Variants in CDC40 observed in about 807,000 individuals in gnomAD.
The protein encoded by CDC40 is cell division cycle 40.
CDC40 carries 27 observed loss-of-function variants against 80.6 expected under a neutral mutation model. The ratio of observed to expected loss-of-function variants is 0.33; its 90% confidence interval spans 0.25 to 0.46. The LOEUF is 0.46. CDC40 is among the 20% of genes least tolerant of loss of function. The pLI is 1.00. For synonymous variants in CDC40, 221 were observed against 232.6 expected (o/e 0.95, Z 0.45); for missense variants, 486 against 694.1 (o/e 0.70, Z 3.37).
intron 12 of CDC40, among the ~76,000 whole-genome samples, chr6:110,224,753 C>T (rs905448106): frequency 7.2e-5 from 11 of 152,164 alleles, no homozygotes; most frequent in African/African-American, 1.2e-4. Flanking sequence ...TGAAGTCCAC[C>T]GGGTAGTTCA....
chr6:110,221,205 G>A (rs1036746300), intron 12 of CDC40, among the ~76,000 whole-genome samples: 4 of 152,200 alleles, frequency 2.6e-5, no homozygotes, highest in African/African-American at 9.6e-5. Context: ...TTTACAGTCA[G>A]TTATGAAGCA....
chr6:110,186,542 G>A (rs775051158), intron 1 of CDC40, among the ~76,000 whole-genome samples: 10 of 152,108 alleles, frequency 6.6e-5, no homozygotes, highest in Non-Finnish European at 1.0e-4. Context: ...TGTATTTCTC[G>A]AAGGATATTT....
chr6:110,184,288 A>T (rs1219199549), intron 1 of CDC40, among the ~76,000 whole-genome samples: 1 of 152,176 alleles, frequency 6.6e-6, no homozygotes, highest in East Asian at 1.9e-4. Context: ...AGTTCTGCTA[A>T]TACCCAGTTG....
chr6:110,193,589 T>C (rs1290410587), intron 2 of CDC40, among the ~76,000 whole-genome samples: 2 of 152,080 alleles, frequency 1.3e-5, no homozygotes, highest in Non-Finnish European at 2.9e-5. Context: ...GTATTTTTAG[T>C]AGAGACGGGG....
At chr6:110,199,457 G>A (rs1777461662) in intron 2 of CDC40, among the ~76,000 whole-genome samples, 1 of 152,016 alleles carries the variant, frequency 6.6e-6, no homozygotes, top group Admixed American at 6.6e-5. Context: ...AGCCGGGTGT[G>A]GTGGTGGGCA....
intron 10 of CDC40, among the ~76,000 whole-genome samples, 165 bp downstream of exon 10, chr6:110,217,968 C>T (rs1221725314): frequency 2.6e-5 from 4 of 152,226 alleles, no homozygotes; most frequent in Non-Finnish European, 5.9e-5. Context: ...CGAAACTGAG[C>T]ATGAGTAGCT....
At chr6:110,211,451 A>G (rs1777635555) in intron 6 of CDC40, 1 of 152,212 alleles carries the variant, frequency 6.6e-6, no homozygotes. Flanking sequence ...TTTAGGTTTG[A>G]TGAAGCCATA....
chr6:110,191,462 C>T (rs1584062629), intron 1 of CDC40, among the ~76,000 whole-genome samples: 1 of 152,046 alleles, frequency 6.6e-6, no homozygotes, highest in East Asian at 1.9e-4. Context: ...TGTGCAAAAT[C>T]CGCCTTGTGT....
chr6:110,211,952 T>C (rs1777642570), intron 6 of CDC40, 181 bp from the exon 7 acceptor site: 1 of 560,394 alleles, frequency 1.8e-6, no homozygotes, highest in South Asian at 2.4e-5. Flanking sequence ...TTGTAAATGA[T>C]AGCAGTTATT....
chr6:110,205,060 C>T (rs780702832), intron 3 of CDC40, among the ~76,000 whole-genome samples: 12 of 152,020 alleles, frequency 7.9e-5, no homozygotes, highest in Non-Finnish European at 1.2e-4. Context: ...TTGATTTTTC[C>T]GGACTACTAG....
chr6:110,218,493 CTTAA>C lies in CDC40; in HGVS notation c.1090+691_1090+694del, dbSNP rs535453512. Among the ~76,000 whole-genome samples the C allele has an allele frequency of 4.1e-4, 62 of 152,240 alleles. 1 individual carries two copies. The South Asian group carries it at 0.013, about 31-fold the overall frequency. On this transcript the variant is annotated intron_variant, in intron 10 of 14. Coordinates refer to ENST00000307731, the MANE Select transcript of CDC40 (RefSeq NM_015891.3). ...TATATTATAGATAAGGAAACTGAGG[CTTAA>C]AGAGCTAACTTTTTCAGGGTCACAC...
intron 12 of CDC40, among the ~76,000 whole-genome samples, chr6:110,225,400 T>G (rs1042398362): frequency 4.0e-5 from 6 of 151,888 alleles, no homozygotes; most frequent in African/African-American, 1.5e-4. Flanking sequence ...GTTCTAAATT[T>G]AGGTGGCTAC....
chr6:110,224,315 C>T (rs2114672941), intron 12 of CDC40: 1 of 152,094 alleles, frequency 6.6e-6, no homozygotes. Flanking sequence ...AGATTATTTG[C>T]AAGATATGAG....
intron 6 of CDC40, 82 bp downstream of exon 6, chr6:110,210,885 C>A: frequency 1.9e-6 from 1 of 538,186 alleles, no homozygotes; most frequent in South Asian, 4.1e-5. Context: ...TATCAATTAC[C>A]CTTACTATCA....
At chr6:110,228,662 C>A (rs553658347) in intron 13 of CDC40, among the ~76,000 whole-genome samples, 170 bp from the exon 14 acceptor site, 1 of 152,030 alleles carries the variant, frequency 6.6e-6, no homozygotes, top group East Asian at 1.9e-4. Context: ...ATACCTCTTG[C>A]CAGTGACATA....
intron 1 of CDC40, among the ~76,000 whole-genome samples, chr6:110,184,289 T>TA (rs1447656324): frequency 2.0e-5 from 3 of 152,196 alleles, no homozygotes; most frequent in Non-Finnish European, 4.4e-5. Context: ...GTTCTGCTAA[T>TA]ACCCAGTTGG....
Position 110,230,769 on chromosome 6 carries a change from G to A in CDC40, c.*638G>A, listed in dbSNP as rs947666448. On this transcript the variant is annotated 3_prime_UTR_variant, in exon 15 of 15. Coordinates refer to ENST00000307731, the MANE Select transcript of CDC40 (RefSeq NM_015891.3). ...GAGTTCTTTTGTTGACTTAATTCCT[G>A]ATCAGTATAGACAGGACTATATATA... 6.6e-6 allele frequency: 1 copy of A among 152,354 alleles called. No homozygotes were observed. Among genetic ancestry groups the A allele is most frequent in the Non-Finnish European group, 1.5e-5 (1 of 68,436 alleles). 9.4% of individuals were successfully genotyped at this position (152,354 alleles called of 1,614,324 possible).
chr6:110,205,586 C>G (rs560298871), intron 3 of CDC40, among the ~76,000 whole-genome samples: 7 of 152,160 alleles, frequency 4.6e-5, no homozygotes, highest in Non-Finnish European at 7.4e-5. Flanking sequence ...ACTTATTTTT[C>G]TGAGTAACAA....
chr6:110,210,927 T>G lies in CDC40; in HGVS notation c.727+124T>G, dbSNP rs1455738874. 70 of 388,640 alleles carry G rather than the reference T, an allele frequency of 1.8e-4. No individual in the cohort carries two copies. In the East Asian group the frequency reaches 2.9e-3, roughly 16 times the overall value. 24.1% of individuals were successfully genotyped at this position (388,640 alleles called of 1,614,324 possible). A position where few individuals can be genotyped will look rare whatever the true frequency, so the allele number is the denominator to read the frequency against. ...ATAAAATCATTATGTTAAGTATAATTGTGTTGGACAATTTGTATCCCAAGG... is the reference window on the plus strand; with the variant it reads ...ATAAAATCATTATGTTAAGTATAATGGTGTTGGACAATTTGTATCCCAAGG... On this transcript the variant is annotated intron_variant, in intron 6 of 14. Transcript: ENST00000307731.
Sources: gnomAD v4.1 joint callset for allele counts (sites outside exome capture counted in the v4.1 genomes callset) on GRCh38, gnomAD v4.1.1 for gene constraint, MANE v1.5 for transcripts, NCBI Gene and HGNC (gene_info 2026-07-23, HGNC 2026-07-21) for gene names.